Variants in ACTN2 observed in about 807,000 individuals in gnomAD.
ACTN2 encodes alpha-actinin-2.
In ACTN2, 39 loss-of-function variants were observed where a neutral mutation model predicts 113.8. That is an observed-to-expected ratio of 0.34 (90% CI 0.27 to 0.45). The LOEUF (loss-of-function observed/expected upper bound fraction) is 0.45, where lower values mean the gene tolerates loss of function less well. Ranked by LOEUF, ACTN2 falls within the 20% of genes least tolerant of loss-of-function variation. The probability of loss-of-function intolerance (pLI) is 1.00; values close to 1 mark genes in which losing one functional copy is unlikely to be tolerated. For missense variants in ACTN2, 992 were observed against 1,177.9 expected (o/e 0.84, Z 2.31); for synonymous variants, 429 against 444.1 (o/e 0.97, Z 0.43).
chr1:236,753,797 A>G (rs1157378918), intron 15 of ACTN2, 150 bp from the exon 16 acceptor site: 4 of 848,584 alleles, frequency 4.7e-6, no homozygotes, highest in South Asian at 2.7e-5. Context: ...CCTCCTCCCT[A>G]TCCTCCCTCT....
At chr1:236,735,575 G>A (rs555857692) in intron 7 of ACTN2, 60 bp from the exon 8 acceptor site, 279 of 1,422,934 alleles carry the variant, frequency 2.0e-4, no homozygotes, top group Non-Finnish European at 2.5e-4. Flanking sequence ...TCTCTCCTTC[G>A]TCTGTATGTG....
intron 14 of ACTN2, among the ~76,000 whole-genome samples, chr1:236,749,890 A>G (rs1659347343): frequency 6.6e-6 from 1 of 152,202 alleles, no homozygotes. Context: ...GGAGTTATTC[A>G]TGAAAAAGTT....
intron 19 of ACTN2, among the ~76,000 whole-genome samples, chr1:236,760,560 GTTACCCA>G (rs1659676078): frequency 6.6e-6 from 1 of 152,174 alleles, no homozygotes; most frequent in Admixed American, 6.5e-5. Flanking sequence ...ACACTTCTCT[GTTACCCA>G]TTAATGAGTA....
At chr1:236,708,789 C>T (rs980314130) in intron 1 of ACTN2, among the ~76,000 whole-genome samples, 3 of 152,162 alleles carry the variant, frequency 2.0e-5, no homozygotes, top group South Asian at 2.1e-4. Context: ...CCCTCACAGA[C>T]GGTTAGGCCA....
intron 4 of ACTN2, among the ~76,000 whole-genome samples, chr1:236,724,801 C>CATTTTTAT (rs1658501869): frequency 6.9e-6 from 1 of 144,674 alleles, no homozygotes; most frequent in African/African-American, 2.5e-5. Flanking sequence ...CTGAGCGGCA[C>CATTTTTAT]ATTTTTATGG....
chr1:236,732,832 G>A (rs1389228751), intron 7 of ACTN2, among the ~76,000 whole-genome samples: 2 of 152,190 alleles, frequency 1.3e-5, no homozygotes, highest in East Asian at 3.8e-4. Flanking sequence ...GATTATATCT[G>A]CAAAGATCTA....
intron 18 of ACTN2, among the ~76,000 whole-genome samples, chr1:236,759,485 G>A (rs574031793): frequency 7.9e-5 from 12 of 152,342 alleles, no homozygotes; most frequent in Admixed American, 7.2e-4. Flanking sequence ...TTTCTTGAGT[G>A]TGTGGTCTCC....
chr1:236,733,918 C>T (rs1658786476), intron 7 of ACTN2, among the ~76,000 whole-genome samples: 1 of 152,230 alleles, frequency 6.6e-6, no homozygotes, highest in Non-Finnish European at 1.5e-5. Flanking sequence ...ACTGGTGAAA[C>T]TCTTCCTAAA....
rs4659711 is a variant in ACTN2 at position 236,739,064 on chromosome 1, C to T, written c.877-238C>T. 0.44 allele frequency among the ~76,000 whole-genome samples: 66,192 copies of T among 151,892 alleles called. 17,597 individuals carry two copies. Among genetic ancestry groups the T allele is most frequent in the Non-Finnish European group, 0.59 (40,072 of 67,948 alleles). On this transcript the variant is annotated intron_variant, in intron 9 of 20. Transcript: ENST00000366578. Reference sequence around the variant, plus strand: ...GTAAACGTCACATTTTTGTAAGACACGACTTTACGTGCTCACTTTAAGTTT... The same window carrying T: ...GTAAACGTCACATTTTTGTAAGACATGACTTTACGTGCTCACTTTAAGTTT...
intron 1 of ACTN2, 113 bp from the exon 2 acceptor site, chr1:236,717,745 C>G (rs1279205037): frequency 1.3e-6 from 1 of 756,434 alleles, no homozygotes; most frequent in African/African-American, 1.7e-5. Context: ...GAAGCCCAAG[C>G]AGCCCCAGCC....
At chr1:236,744,338 A>AGAAT (rs1659159919) in intron 11 of ACTN2, among the ~76,000 whole-genome samples, 1 of 152,216 alleles carries the variant, frequency 6.6e-6, no homozygotes, top group African/African-American at 2.4e-5. Flanking sequence ...CTTGTGACTT[A>AGAAT]GAATGATGAA....
At chr1:236,725,593 C>G (rs1008552552) in intron 4 of ACTN2, among the ~76,000 whole-genome samples, 1 of 152,016 alleles carries the variant, frequency 6.6e-6, no homozygotes, top group Non-Finnish European at 1.5e-5. Flanking sequence ...CACCACTGCA[C>G]TCCAGCCTGG....
intron 13 of ACTN2, 186 bp downstream of exon 13, chr1:236,747,961 T>C (rs979082955): frequency 1.3e-5 from 8 of 610,822 alleles, no homozygotes; most frequent in African/African-American, 9.3e-5. Context: ...GTGCTGTAAT[T>C]TATCCAGACA....
chr1:236,729,223 G>A (rs924379256), intron 6 of ACTN2, among the ~76,000 whole-genome samples: 3 of 151,810 alleles, frequency 2.0e-5, no homozygotes, highest in Non-Finnish European at 2.9e-5. Context: ...TACTCAGGAG[G>A]CAAGGCAGGA....
intron 4 of ACTN2, among the ~76,000 whole-genome samples, chr1:236,721,267 C>T (rs1658388007): frequency 6.6e-6 from 1 of 151,660 alleles, no homozygotes; most frequent in Non-Finnish European, 1.5e-5. Context: ...AGCTCGTGAT[C>T]CGCCCGCCTC....
rs763585604 is a variant in ACTN2 at position 236,751,532 on chromosome 1, G to A, written c.1719G>A (p.Gln573=). The A allele has an allele frequency of 6.2e-7, 1 of 1,614,158 alleles. No individual in the cohort carries two copies. Among genetic ancestry groups the A allele is most frequent in the East Asian group, 2.2e-5 (1 of 44,884 alleles). ...TGCCCGAGGCGGACGGAGAGCGGCA[G>A]TCCATCATGGCCATCCAGAACGAGG... ...ATLPEADGER[Q]SIMAIQNEVE... The change falls in exon 15 of 21, where the codon CAG becomes CAA. Residue 573 remains glutamine, a synonymous_variant. Transcript: ENST00000366578.
intron 7 of ACTN2, 37 bp from the exon 8 acceptor site, chr1:236,735,598 G>A (rs865791264): frequency 1.3e-6 from 2 of 1,516,730 alleles, no homozygotes; most frequent in Middle Eastern, 3.4e-4. Flanking sequence ...TGGTGTGTGT[G>A]TGTGCGCGCG....
chr1:236,696,621 GTC>G (rs1657508850), intron 1 of ACTN2, among the ~76,000 whole-genome samples: 1 of 151,528 alleles, frequency 6.6e-6, no homozygotes, highest in African/African-American at 2.4e-5. Flanking sequence ...AAAAATTACA[GTC>G]TCTTTATTTC....
chr1:236,692,880 G>A (rs990481232), intron 1 of ACTN2, among the ~76,000 whole-genome samples: 3 of 152,070 alleles, frequency 2.0e-5, no homozygotes, highest in African/African-American at 7.2e-5. Context: ...CACCGCAGTC[G>A]GTTGCTGCAG....
Sources: allele counts gnomAD v4.1 joint callset (sites outside exome capture counted in the v4.1 genomes callset), GRCh38; gene constraint gnomAD v4.1.1; transcripts MANE v1.5; gene names NCBI Gene and HGNC (gene_info 2026-07-23, HGNC 2026-07-21).